SNX29: variants seen among roughly 807,000 people sequenced by gnomAD.
The protein encoded by SNX29 is sorting nexin 29, also known as sorting nexin-29.
Under a neutral mutation model 102.1 loss-of-function variants are expected in SNX29, and 78 were observed. The ratio of observed to expected loss-of-function variants is 0.76; its 90% confidence interval spans 0.64 to 0.92. SNX29 has a LOEUF of 0.92. Ranked by LOEUF, SNX29 falls within the 40% of genes least tolerant of loss-of-function variation. SNX29 has a pLI of 0.00. For synonymous variants in SNX29, 580 were observed against 414.5 expected (o/e 1.40, Z -4.85); for missense variants, 1,280 against 1,061.7 (o/e 1.21, Z -2.86).
At chr16:12,181,998 C>T (rs967786512) in intron 13 of SNX29, among the ~76,000 whole-genome samples, 12 of 151,944 alleles carry the variant, frequency 7.9e-5, no homozygotes, top group Non-Finnish European at 1.5e-4. Flanking sequence ...ATTCTCCTGC[C>T]TCACTGTTCT....
chr16:12,202,841 G>A (rs2076946397), intron 14 of SNX29, among the ~76,000 whole-genome samples: 2 of 152,272 alleles, frequency 1.3e-5, no homozygotes, highest in African/African-American at 4.8e-5. Flanking sequence ...TCACTGAGGG[G>A]TCTGGGGAGA....
chr16:12,230,277 C>G (rs2077730017), intron 14 of SNX29, among the ~76,000 whole-genome samples: 1 of 152,234 alleles, frequency 6.6e-6, no homozygotes, highest in Non-Finnish European at 1.5e-5. Flanking sequence ...ACATCATTGT[C>G]TGACTTCCCG....
chr16:12,262,582 C>T (rs1390366601), intron 14 of SNX29, among the ~76,000 whole-genome samples: 5 of 152,138 alleles, frequency 3.3e-5, no homozygotes, highest in East Asian at 1.9e-4. Context: ...GGGATGAGAG[C>T]GCAGGCCTGT....
intron 14 of SNX29, among the ~76,000 whole-genome samples, chr16:12,205,483 C>A (rs749772447): frequency 2.0e-5 from 3 of 152,194 alleles, no homozygotes; most frequent in Non-Finnish European, 4.4e-5. Flanking sequence ...TCATCTCCCA[C>A]CACCCTCCCT....
chr16:12,361,983 A>C lies in SNX29; in HGVS notation c.1899+5704A>C, dbSNP rs192587369. Among the ~76,000 whole-genome samples the C allele has an allele frequency of 3.8e-3, 574 of 152,322 alleles. 4 individuals carry two copies. The highest frequency in any genetic ancestry group is 8.3e-3 in the South Asian group (40 of 4,826). ...ACATGTTAATAACGAGCACATGCCT[A>C]TACATGTTAATAACGAGCACATGCC... is the stretch of plus-strand genomic sequence containing the variant. On this transcript the variant is annotated intron_variant, in intron 16 of 20. Coordinates refer to ENST00000566228, the MANE Select transcript of SNX29 (RefSeq NM_032167.5).
chr16:12,416,525 G>T (rs2084644874), intron 18 of SNX29, among the ~76,000 whole-genome samples: 1 of 152,198 alleles, frequency 6.6e-6, no homozygotes, highest in Admixed American at 6.5e-5. Context: ...ACCACATCAT[G>T]CCCCTGAGTT....
chr16:12,511,003 C>G (rs2089594006), intron 19 of SNX29, among the ~76,000 whole-genome samples: 2 of 151,992 alleles, frequency 1.3e-5, no homozygotes, highest in Admixed American at 1.3e-4. Flanking sequence ...GTCGCCCAGG[C>G]TGGAATGCAG....
chr16:12,407,297 G>A (rs1597268222), intron 18 of SNX29, among the ~76,000 whole-genome samples: 1 of 151,722 alleles, frequency 6.6e-6, no homozygotes, highest in East Asian at 1.9e-4. Context: ...CATTGCCTTT[G>A]GCAGGTGACA....
intron 14 of SNX29, among the ~76,000 whole-genome samples, chr16:12,268,346 G>C (rs1346536362): frequency 6.6e-6 from 1 of 152,148 alleles, no homozygotes; most frequent in Non-Finnish European, 1.5e-5. Flanking sequence ...TAGTTGTGTA[G>C]GAACTAAATG....
chr16:12,059,178 C>G (rs754582402), intron 8 of SNX29, among the ~76,000 whole-genome samples: 1 of 152,050 alleles, frequency 6.6e-6, no homozygotes, highest in Non-Finnish European at 1.5e-5. Context: ...GCATATGTTG[C>G]GGGGAAGGGT....
rs2079116566 is a variant in SNX29, at chr16:12,568,680, A to AC, written c.*55dup. On this transcript the variant is annotated 3_prime_UTR_variant, in exon 21 of 21. Transcript: ENST00000566228. Reference sequence around the variant, plus strand: ...CCTGTGCGTGGCACCAGCTGCGTCCACCCCAGCCACTGCCGCTGGCCCCTC... The same window carrying AC: ...CCTGTGCGTGGCACCAGCTGCGTCCACCCCCAGCCACTGCCGCTGGCCCCTC... The AC allele has an allele frequency of 1.3e-6, 2 of 1,550,994 alleles. No homozygotes were observed. The highest frequency in any genetic ancestry group is 3.7e-5 in the Admixed American group (2 of 54,056).
chr16:12,557,972 T>C (rs561480089), intron 20 of SNX29, among the ~76,000 whole-genome samples: 1 of 150,164 alleles, frequency 6.7e-6, no homozygotes, highest in African/African-American at 2.5e-5. Flanking sequence ...GTGGGTCTTC[T>C]GCTTAAGATT....
intron 19 of SNX29, among the ~76,000 whole-genome samples, chr16:12,495,490 C>T (rs1056540205): frequency 1.3e-5 from 2 of 152,180 alleles, no homozygotes; most frequent in African/African-American, 4.8e-5. Context: ...TTCTCAGCTA[C>T]CCAGAATAAG....
chr16:12,559,394 CCCCCTGAAGGGACCATCTA>C (rs1413800153), intron 20 of SNX29, among the ~76,000 whole-genome samples: 1 of 151,264 alleles, frequency 6.6e-6, no homozygotes, highest in Non-Finnish European at 1.5e-5. Flanking sequence ...TCTCCCATCG[CCCCCTGAAGGGACCATCTA>C]GTTGCAGGAA....
intron 4 of SNX29, among the ~76,000 whole-genome samples, chr16:12,036,132 T>C (rs1409345376): frequency 6.6e-6 from 1 of 152,104 alleles, no homozygotes; most frequent in Non-Finnish European, 1.5e-5. Flanking sequence ...TGGAGTGCAG[T>C]GGTGCAATCA....
intron 18 of SNX29, among the ~76,000 whole-genome samples, chr16:12,439,537 T>TGAG (rs1202951653): frequency 6.6e-6 from 1 of 152,194 alleles, no homozygotes; most frequent in African/African-American, 2.4e-5. Flanking sequence ...GACAAGAGAA[T>TGAG]GAGAGCCAAG....
At chr16:12,428,359 ATAAGG>A (rs2085167921) in intron 18 of SNX29, among the ~76,000 whole-genome samples, 1 of 152,258 alleles carries the variant, frequency 6.6e-6, no homozygotes, top group African/African-American at 2.4e-5. Flanking sequence ...AAAGATTAAA[ATAAGG>A]TAAGACCAGT....
intron 20 of SNX29, among the ~76,000 whole-genome samples, chr16:12,566,019 G>A (rs373502141): frequency 3.3e-5 from 5 of 152,192 alleles, no homozygotes; most frequent in African/African-American, 1.2e-4. Flanking sequence ...GCCCAGCATG[G>A]TGGTGACACA....
At chr16:12,556,023 A>G (rs961863511) in intron 20 of SNX29, among the ~76,000 whole-genome samples, 2 of 152,136 alleles carry the variant, frequency 1.3e-5, no homozygotes, top group African/African-American at 2.4e-5. Flanking sequence ...GACTCATGCC[A>G]TGCCACCGTA....
Sources: gnomAD v4.1 joint callset for allele counts (sites outside exome capture counted in the v4.1 genomes callset) on GRCh38, gnomAD v4.1.1 for gene constraint, MANE v1.5 for transcripts, NCBI Gene and HGNC (gene_info 2026-07-23, HGNC 2026-07-21) for gene names.